The following CPA6 variants were observed in gnomAD, a reference collection of about 807,000 sequenced individuals.
The protein encoded by CPA6 is carboxypeptidase A6.
A neutral mutation model predicts 63.3 loss-of-function variants in CPA6; 58 were observed. The observed-to-expected ratio is 0.92, with a 90% CI of 0.74 to 1.14. The LOEUF (loss-of-function observed/expected upper bound fraction) is 1.14. Ranked by LOEUF, CPA6 falls within the 50% of genes most tolerant of loss-of-function variation. The probability of loss-of-function intolerance (pLI) is 0.00; values close to 1 mark genes in which losing one functional copy is unlikely to be tolerated. For synonymous variants in CPA6, 185 were observed against 179.0 expected, an observed-to-expected ratio of 1.03 and a Z score of -0.27; for missense variants, 565 against 526.6, an observed-to-expected ratio of 1.07 and a Z score of -0.71.
In CPA6 at chr8:67,545,577, T is replaced by TC. The variant is rs1812798174; in HGVS notation, c.193-27531_193-27530insG. Among the ~76,000 whole-genome samples, 8 of 128,200 alleles carry TC rather than the reference T, an allele frequency of 6.2e-5. No homozygotes were observed. In the Admixed American group the frequency reaches 7.0e-4, roughly 11 times the overall value. The allele number at this position is 128,200 out of a possible 152,430, so 84.1% of individuals were successfully genotyped here. A position where few individuals can be genotyped will look rare whatever the true frequency, so the allele number is the denominator to read the frequency against. On this transcript the variant is annotated intron_variant, in intron 2 of 10. Transcript: ENST00000297770. ...TGCTACTGTTACTTTTTTTTTTTTT[T>TC]TTTTTTTGAGATGGAGTTTTGCTCT... is the stretch of plus-strand genomic sequence containing the variant.
intron 2 of CPA6, among the ~76,000 whole-genome samples, chr8:67,581,203 A>C (rs1297462666): frequency 6.6e-6 from 1 of 152,224 alleles, no homozygotes; most frequent in East Asian, 1.9e-4. Flanking sequence ...TGTACGGTTA[A>C]TGACAGTGGA....
intron 6 of CPA6, among the ~76,000 whole-genome samples, chr8:67,504,583 C>T (rs957840449): frequency 2.6e-5 from 4 of 152,184 alleles, no homozygotes; most frequent in Non-Finnish European, 1.5e-5. Flanking sequence ...CTCTGGCCCA[C>T]AGCCAGTGAG....
At chr8:67,514,513 G>A (rs1812103957) in intron 3 of CPA6, among the ~76,000 whole-genome samples, 1 of 152,058 alleles carries the variant, frequency 6.6e-6, no homozygotes, top group African/African-American at 2.4e-5. Flanking sequence ...CTACCTACTG[G>A]GCCCGTGGAA....
intron 1 of CPA6, among the ~76,000 whole-genome samples, chr8:67,704,029 C>A (rs989226573): frequency 1.3e-5 from 2 of 152,144 alleles, no homozygotes. Context: ...TTATCCCAGG[C>A]CCCTTATCCT....
chr8:67,568,075 C>T (rs958721491), intron 2 of CPA6, among the ~76,000 whole-genome samples: 11 of 152,160 alleles, frequency 7.2e-5, no homozygotes, highest in Non-Finnish European at 1.3e-4. Context: ...TCTAGATAAC[C>T]TGAAAGCAAA....
chr8:67,652,428 T>G (rs990713816), intron 1 of CPA6, among the ~76,000 whole-genome samples: 5 of 152,044 alleles, frequency 3.3e-5, no homozygotes, highest in Non-Finnish European at 5.9e-5. Flanking sequence ...TTTTAATGAT[T>G]GCCATTCTAA....
intron 8 of CPA6, among the ~76,000 whole-genome samples, chr8:67,472,304 T>A (rs116462618): frequency 1.4e-5 from 1 of 71,824 alleles, no homozygotes. Flanking sequence ...ATGTCTCACT[T>A]CAAAAATAGC....
At chr8:67,498,080 A>T (rs1811758851) in intron 6 of CPA6, among the ~76,000 whole-genome samples, 1 of 152,094 alleles carries the variant, frequency 6.6e-6, no homozygotes, top group Non-Finnish European at 1.5e-5. Flanking sequence ...TCTCAGGTTT[A>T]AGTCTCTTTG....
chr8:67,607,356 T>A (rs1357466900), intron 2 of CPA6, among the ~76,000 whole-genome samples: 1 of 151,790 alleles, frequency 6.6e-6, no homozygotes, highest in Non-Finnish European at 1.5e-5. Context: ...TTTGAGGGCA[T>A]CTGAAAGAGT....
chr8:67,628,150 T>C (rs1354609836), intron 1 of CPA6, among the ~76,000 whole-genome samples: 1 of 151,872 alleles, frequency 6.6e-6, no homozygotes, highest in Non-Finnish European at 1.5e-5. Context: ...GAGGCGGAGA[T>C]TGCAGTGAGC....
At chr8:67,510,745 T>C (rs777661953) in intron 4 of CPA6, among the ~76,000 whole-genome samples, 2 of 152,168 alleles carry the variant, frequency 1.3e-5, no homozygotes, top group African/African-American at 2.4e-5. Context: ...CAACTATGTA[T>C]TTGGAGGTCA....
chr8:67,595,820 G>C (rs533894591), intron 2 of CPA6, among the ~76,000 whole-genome samples: 54 of 152,310 alleles, frequency 3.5e-4, no homozygotes, highest in African/African-American at 1.3e-3. Context: ...GGAACTCCCT[G>C]ACCCCTTGCA....
chr8:67,500,763 A>C lies in CPA6; in HGVS notation c.636+6024T>G, dbSNP rs545584994. 1.2e-4 allele frequency among the ~76,000 whole-genome samples: 17 copies of C among 142,030 alleles called. No individual in the cohort carries two copies. The East Asian group carries it at 3.5e-3, about 29-fold the overall frequency. 93.2% of individuals were successfully genotyped at this position (142,030 alleles called of 152,430 possible). A position where few individuals can be genotyped will look rare whatever the true frequency, so the allele number is the denominator to read the frequency against. ...TCATACCATATACAAAAAAAGATTC[A>C]TTTTTTTTTTTTTGCAATGAATATC... On this transcript the variant is annotated intron_variant, in intron 6 of 10. Coordinates refer to ENST00000297770, the MANE Select transcript of CPA6 (RefSeq NM_020361.5).
intron 1 of CPA6, among the ~76,000 whole-genome samples, chr8:67,643,064 C>T (rs765409564): frequency 7.2e-5 from 11 of 151,864 alleles, no homozygotes; most frequent in Non-Finnish European, 1.6e-4. Context: ...AGATTAGTAT[C>T]AATATGAAAA....
intron 8 of CPA6, among the ~76,000 whole-genome samples, chr8:67,440,700 A>G (rs921718951): frequency 2.0e-5 from 3 of 152,354 alleles, no homozygotes; most frequent in Non-Finnish European, 4.4e-5. Flanking sequence ...CTATAAACCT[A>G]TACAGTATAT....
In CPA6 at chr8:67,427,056, T is replaced by A. The variant is rs114035302; in HGVS notation, c.1126+991A>T. Among the ~76,000 whole-genome samples the A allele has an allele frequency of 9.2e-3, 1,398 of 152,258 alleles. 15 individuals carry two copies. Among genetic ancestry groups the A allele is most frequent in the African/African-American group, 0.032 (1,316 of 41,522 alleles). ...GTTAATTGTTGAAAACATTGGAGAT[T>A]GTAGTTTCAGAAAGGGTGAGCTGAC... On this transcript the variant is annotated intron_variant, in intron 10 of 10. Coordinates refer to ENST00000297770, the MANE Select transcript of CPA6 (RefSeq NM_020361.5).
intron 2 of CPA6, among the ~76,000 whole-genome samples, chr8:67,533,030 C>G (rs1812510861): frequency 6.6e-6 from 1 of 152,178 alleles, no homozygotes; most frequent in Non-Finnish European, 1.5e-5. Context: ...TCCAGGCTCA[C>G]TAGGAATCAG....
chr8:67,588,614 A>G (rs1048443278), intron 2 of CPA6, among the ~76,000 whole-genome samples: 1 of 152,216 alleles, frequency 6.6e-6, no homozygotes, highest in African/African-American at 2.4e-5. Context: ...CATGGCTTAT[A>G]TAAACTATAC....
chr8:67,586,416 CT>C (rs1813936565), intron 2 of CPA6, among the ~76,000 whole-genome samples: 1 of 152,040 alleles, frequency 6.6e-6, no homozygotes, highest in Non-Finnish European at 1.5e-5. Flanking sequence ...GTTAACAGCT[CT>C]TGGGTAGTAA....
Sources: allele counts gnomAD v4.1 joint callset (sites outside exome capture counted in the v4.1 genomes callset), GRCh38; gene constraint gnomAD v4.1.1; transcripts MANE v1.5; gene names NCBI Gene and HGNC (gene_info 2026-07-23, HGNC 2026-07-21).